ASIC2: variants seen among roughly 807,000 people sequenced by gnomAD.
The protein encoded by ASIC2 is acid-sensing ion channel 2.
ASIC2 carries 25 observed loss-of-function variants against 57.3 expected under a neutral mutation model. That is an observed-to-expected ratio of 0.44 (90% CI 0.32 to 0.61). The LOEUF (loss-of-function observed/expected upper bound fraction) is 0.61. Among genes scored for constraint, ASIC2 ranks in the 20% least tolerant of loss-of-function variants. The pLI is 0.06. For synonymous variants in ASIC2, 319 were observed against 307.5 expected, an observed-to-expected ratio of 1.04 and a Z score of -0.39; for missense variants, 641 against 738.1, an observed-to-expected ratio of 0.87 and a Z score of 1.52.
chr17:33,233,738 G>C (rs1908195554), intron 1 of ASIC2, among the ~76,000 whole-genome samples: 1 of 151,900 alleles, frequency 6.6e-6, no homozygotes, highest in Admixed American at 6.6e-5. Flanking sequence ...CAGATGACTT[G>C]AGGTGCTAGC....
intron 1 of ASIC2, among the ~76,000 whole-genome samples, chr17:34,085,785 G>C (rs1910091703): frequency 6.6e-6 from 1 of 152,072 alleles, no homozygotes; most frequent in African/African-American, 2.4e-5. Flanking sequence ...ACGTGTCGAG[G>C]AATTTATCCA....
At chr17:33,825,545 C>T (rs975741493) in intron 1 of ASIC2, among the ~76,000 whole-genome samples, 1 of 152,220 alleles carries the variant, frequency 6.6e-6, no homozygotes, top group Non-Finnish European at 1.5e-5. Context: ...CTAGCCTGCA[C>T]CTAATTCTAG....
At chr17:33,290,340 A>G (rs1294337200) in intron 1 of ASIC2, among the ~76,000 whole-genome samples, 1 of 152,236 alleles carries the variant, frequency 6.6e-6, no homozygotes, top group South Asian at 2.1e-4. Flanking sequence ...TAAAATCACC[A>G]TCATAGCACT....
intron 1 of ASIC2, among the ~76,000 whole-genome samples, chr17:33,538,676 T>A (rs940774760): frequency 5.9e-5 from 9 of 152,198 alleles, no homozygotes; most frequent in African/African-American, 2.2e-4. Context: ...TGATCTGTTA[T>A]CCCCTCTTTG....
intron 1 of ASIC2, among the ~76,000 whole-genome samples, chr17:34,074,782 C>CTTTTT (rs35010578): frequency 1.5e-3 from 169 of 113,886 alleles, no homozygotes; most frequent in African/African-American, 2.8e-3. Context: ...TTCTTTCTTT[C>CTTTTT]TTTTTTTTTT....
intron 1 of ASIC2, among the ~76,000 whole-genome samples, chr17:33,169,701 T>G (rs1223860546): frequency 6.6e-6 from 1 of 152,202 alleles, no homozygotes; most frequent in Non-Finnish European, 1.5e-5. Context: ...GGTGACTCTA[T>G]GAAGCTCCAG....
chr17:33,019,340 G>A (rs2091824296), intron 7 of ASIC2, among the ~76,000 whole-genome samples: 1 of 151,854 alleles, frequency 6.6e-6, no homozygotes, highest in Admixed American at 6.6e-5. Flanking sequence ...AGTGTGTCGA[G>A]CGTGTGTAGT....
intron 1 of ASIC2, among the ~76,000 whole-genome samples, chr17:34,125,232 C>A (rs527271632): frequency 6.6e-6 from 1 of 152,158 alleles, no homozygotes; most frequent in South Asian, 2.1e-4. Flanking sequence ...AGGCCAGCAT[C>A]CGCTGAAATG....
At chr17:33,797,493 C>A (rs1488817541) in intron 1 of ASIC2, among the ~76,000 whole-genome samples, 2 of 152,102 alleles carry the variant, frequency 1.3e-5, no homozygotes, top group Non-Finnish European at 2.9e-5. Context: ...ATATATTTAT[C>A]TTATAATTGT....
At chr17:34,107,576 C>A (rs912255292) in intron 1 of ASIC2, among the ~76,000 whole-genome samples, 2 of 152,112 alleles carry the variant, frequency 1.3e-5, no homozygotes, top group African/African-American at 4.8e-5. Context: ...AAAGTACATT[C>A]AGAATTGCTT....
At chr17:34,081,262 T>A (rs1909870791) in intron 1 of ASIC2, among the ~76,000 whole-genome samples, 1 of 152,078 alleles carries the variant, frequency 6.6e-6, no homozygotes, top group Non-Finnish European at 1.5e-5. Flanking sequence ...ACAATAAAGT[T>A]TGAGAACCAA....
chr17:33,933,935 C>T (rs891417853), intron 1 of ASIC2, among the ~76,000 whole-genome samples: 2 of 152,210 alleles, frequency 1.3e-5, no homozygotes, highest in African/African-American at 4.8e-5. Flanking sequence ...GAGCTCACTC[C>T]TTCCAAGGCA....
chr17:33,034,645 T>C (rs905892925), intron 3 of ASIC2, among the ~76,000 whole-genome samples: 29 of 152,226 alleles, frequency 1.9e-4, no homozygotes, highest in Admixed American at 1.3e-4. Flanking sequence ...AAGGTGTTAT[T>C]CCTCTGTCTT....
rs115242949 is a variant in ASIC2, at chr17:33,895,430, C to A, written c.555+260548G>T. ...TGCCCACCTCAGCCTCCCAAGGCCA[C>A]CACACCCGGCCTGAATATTTTCTTC... On this transcript the variant is annotated intron_variant, in intron 1 of 9. Coordinates refer to the ASIC2 transcript ENST00000359872. 1.7e-3 allele frequency among the ~76,000 whole-genome samples: 262 copies of A among 152,256 alleles called. 1 individual carries two copies. The highest frequency in any genetic ancestry group is 6.0e-3 in the African/African-American group (251 of 41,550).
At position 33,233,559 on chromosome 17, in the gene ASIC2, T is replaced by C. The variant is rs548440355; in HGVS notation, c.708+57849A>G. 1.9e-3 allele frequency among the ~76,000 whole-genome samples: 253 copies of C among 135,196 alleles called. 5 individuals are homozygous for C. In the East Asian group the frequency reaches 0.037, roughly 20 times the overall value. 88.7% of individuals were successfully genotyped at this position (135,196 alleles called of 152,430 possible). A position where few individuals can be genotyped will look rare whatever the true frequency, so the allele number is the denominator to read the frequency against. ...ACACACACACACACACACACACACATGGCATAAGCAGCCATTCAGGTATTC... is the reference window on the plus strand; with the variant it reads ...ACACACACACACACACACACACACACGGCATAAGCAGCCATTCAGGTATTC... On this transcript the variant is annotated intron_variant, in intron 1 of 9. Transcript: ENST00000225823.
chr17:33,502,084 T>A lies in ASIC2; in HGVS notation c.556-390017A>T, dbSNP rs181183557. ...ACACCTGAAGGTGAAATCTAGTGAG[T>A]TCCAGGCTACTGTCAAGATCTAGGG... On this transcript the variant is annotated intron_variant, in intron 1 of 9. Coordinates refer to the ASIC2 transcript ENST00000359872. 6.7e-3 allele frequency among the ~76,000 whole-genome samples: 1,012 copies of A among 151,978 alleles called. 20 individuals are homozygous for A. The highest frequency in any genetic ancestry group is 0.023 in the African/African-American group (973 of 41,454).
intron 1 of ASIC2, among the ~76,000 whole-genome samples, chr17:33,352,450 T>C (rs1908223660): frequency 6.6e-6 from 1 of 152,204 alleles, no homozygotes; most frequent in African/African-American, 2.4e-5. Context: ...TTACTAATGA[T>C]GAGGCCTGGG....
At chr17:33,205,756 C>T (rs1907037077) in intron 1 of ASIC2, among the ~76,000 whole-genome samples, 1 of 152,156 alleles carries the variant, frequency 6.6e-6, no homozygotes, top group African/African-American at 2.4e-5. Context: ...TCATTTCTTC[C>T]CTCCAGAGCT....
intron 1 of ASIC2, among the ~76,000 whole-genome samples, chr17:33,453,552 T>C (rs1567617701): frequency 6.6e-6 from 1 of 152,030 alleles, no homozygotes; most frequent in Non-Finnish European, 1.5e-5. Flanking sequence ...CCCATGAAGG[T>C]TTTACAATTT....
Sources: gnomAD v4.1 joint callset for allele counts (sites outside exome capture counted in the v4.1 genomes callset) on GRCh38, gnomAD v4.1.1 for gene constraint, MANE v1.5 for transcripts, NCBI Gene and HGNC (gene_info 2026-07-23, HGNC 2026-07-21) for gene names.